ZMYM6: variants seen among roughly 807,000 people sequenced by gnomAD.
ZMYM6 encodes zinc finger MYM-type protein 6.
Under a neutral mutation model 134.0 loss-of-function variants are expected in ZMYM6, and 90 were observed. The observed-to-expected ratio is 0.67, with a 90% CI of 0.57 to 0.80. ZMYM6 has a LOEUF of 0.80. ZMYM6 is among the 30% of genes least tolerant of loss of function. The pLI is 0.00. For missense variants in ZMYM6, 1,362 were observed against 1,533.9 expected (o/e 0.89, Z 1.87); for synonymous variants, 481 against 524.1 (o/e 0.92, Z 1.12).
At chr1:34,994,709 T>C (rs1414713898) in intron 14 of ZMYM6, among the ~76,000 whole-genome samples, 1 of 152,076 alleles carries the variant, frequency 6.6e-6, no homozygotes, top group African/African-American at 2.4e-5. Context: ...ATTGCGTTGG[T>C]ACAAAAATAA....
At chr1:35,024,806 C>T (rs911069689) in intron 2 of ZMYM6, among the ~76,000 whole-genome samples, 3 of 152,100 alleles carry the variant, frequency 2.0e-5, no homozygotes. Context: ...AGATTTAGGG[C>T]TCCTTCCCCT....
Position 35,023,253 on chromosome 1 carries a change from A to G in ZMYM6, c.94-2786T>C, listed in dbSNP as rs576896763. On this transcript the variant is annotated intron_variant, in intron 2 of 15. Coordinates refer to ENST00000357182, the MANE Select transcript of ZMYM6 (RefSeq NM_007167.4). ...CTCCCCAGTAGCTGGGATTACAGGC[A>G]TGCGCCACCACGCCTGGCTAATTTT... Among the ~76,000 whole-genome samples the G allele has an allele frequency of 3.9e-5, 6 of 152,110 alleles. No individual in the cohort carries two copies. The South Asian group carries it at 8.3e-4, about 21-fold the overall frequency.
intron 4 of ZMYM6, among the ~76,000 whole-genome samples, chr1:35,015,743 A>AAAAAAAAAAAATATAT: frequency 1.9e-5 from 2 of 106,460 alleles, no homozygotes; most frequent in African/African-American, 6.6e-5. Context: ...AAAAAAAAAA[A>AAAAAAAAAAAATATAT]ATATATATAT....
chr1:34,998,391 A>G lies in ZMYM6; in HGVS notation c.1992+5577T>C, dbSNP rs1569752244. Reference sequence around the variant, plus strand: ...GCTTTATATCTGTAGTTTTCCTATAATTTCAATATGTGGAAACTTGCTCTT... The same window carrying G: ...GCTTTATATCTGTAGTTTTCCTATAGTTTCAATATGTGGAAACTTGCTCTT... On this transcript the variant is annotated intron_variant, in intron 14 of 15. Coordinates refer to ENST00000357182, the MANE Select transcript of ZMYM6 (RefSeq NM_007167.4). 3.3e-5 allele frequency among the ~76,000 whole-genome samples: 5 copies of G among 152,292 alleles called. No homozygotes were observed. The South Asian group carries it at 8.3e-4, about 25-fold the overall frequency.
intron 13 of ZMYM6, among the ~76,000 whole-genome samples, chr1:35,004,274 C>CT (rs2148449393): frequency 6.6e-6 from 1 of 152,270 alleles, no homozygotes; most frequent in Admixed American, 6.5e-5. Context: ...AAAAATATCA[C>CT]TTCCCAGGGA....
chr1:35,018,693 A>G (rs1641249705), intron 4 of ZMYM6: 1 of 152,332 alleles, frequency 6.6e-6, no homozygotes. Flanking sequence ...GAAGTCACAG[A>G]GATAAATGAC....
intron 6 of ZMYM6, 32 bp from the exon 7 acceptor site, chr1:35,012,613 TACAA>T: frequency 1.9e-6 from 3 of 1,606,438 alleles, no homozygotes; most frequent in Non-Finnish European, 2.5e-6. Flanking sequence ...AGATACCTAG[TACAA>T]ACATACATAT....
Position 34,987,058 on chromosome 1 carries a change from C to T in ZMYM6, c.*46G>A, listed in dbSNP as rs1156858233. ...TATCTTTTAGGATACTTATACAAAA[C>T]TTAACACAGGATTATTGACTTCACT... On this transcript the variant is annotated 3_prime_UTR_variant, in exon 16 of 16. Coordinates refer to ENST00000357182, the MANE Select transcript of ZMYM6 (RefSeq NM_007167.4). 3 of 1,323,888 alleles carry T rather than the reference C, an allele frequency of 2.3e-6. No individual in the cohort carries two copies. In the African/African-American group the frequency reaches 4.5e-5, roughly 20 times the overall value. The allele number at this position is 1,323,888 out of a possible 1,614,324, so 82.0% of individuals were successfully genotyped here. A position where few individuals can be genotyped will look rare whatever the true frequency, so the allele number is the denominator to read the frequency against.
chr1:35,028,395 T>G (rs1193641400), intron 2 of ZMYM6, among the ~76,000 whole-genome samples: 1 of 152,158 alleles, frequency 6.6e-6, no homozygotes, highest in East Asian at 1.9e-4. Context: ...AAAATATAAT[T>G]GCTTTGCTGA....
At chr1:35,008,719 A>G (rs1641031494) in intron 11 of ZMYM6, 33 bp downstream of exon 11, 5 of 1,587,354 alleles carry the variant, frequency 3.1e-6, no homozygotes. Flanking sequence ...CACTGATTTC[A>G]GAAAGCCAAA....
intron 2 of ZMYM6, chr1:35,030,330 GCT>G: frequency 1.9e-6 from 1 of 522,854 alleles, no homozygotes; most frequent in Non-Finnish European, 3.3e-6. Context: ...TACACAGGAG[GCT>G]GAGGTGGGAA....
At position 34,988,417 on chromosome 1, in the gene ZMYM6, C is replaced by T; in HGVS notation, c.2665G>A (p.Glu889Lys). 6.4e-7 allele frequency: 1 copy of T among 1,551,608 alleles called. No individual in the cohort carries two copies. The highest frequency in any genetic ancestry group is 8.7e-7 in the Non-Finnish European group (1 of 1,146,966). Reference sequence around the variant, plus strand: ...TGGTCTTCAATGTCTGCAGATAGTTCATCAATCCTGTGTTGAATTGTAACA... The same window carrying T: ...TGGTCTTCAATGTCTGCAGATAGTTTATCAATCCTGTGTTGAATTGTAACA... ...SNVTIQHRIDELSADIEDQLI... is the reference protein window; with the variant it reads ...SNVTIQHRIDKLSADIEDQLI... The change falls in exon 16 of 16, where the codon GAA (glutamate) becomes AAA (lysine). Residue 889 changes from glutamate (E) to lysine (K), a missense_variant. Around this residue, in one of 3 missense-constraint regions of ZMYM6, gnomAD observed 824 missense variants for 940.9 expected, o/e 0.88. Coordinates refer to ENST00000357182, the MANE Select transcript of ZMYM6 (RefSeq NM_007167.4).
chr1:35,011,106 C>T (rs1233999316), intron 8 of ZMYM6, 70 bp from the exon 9 acceptor site: 1 of 1,471,084 alleles, frequency 6.8e-7, no homozygotes, highest in African/African-American at 1.4e-5. Flanking sequence ...TTTTCATTTC[C>T]TCATTTTAAT....
intron 14 of ZMYM6, among the ~76,000 whole-genome samples, chr1:34,999,692 AATAAG>A (rs1373903342): frequency 6.6e-5 from 10 of 152,336 alleles, no homozygotes; most frequent in African/African-American, 1.9e-4. Flanking sequence ...TAACACATAA[AATAAG>A]ATAACAATAA....
chr1:35,023,478 A>G (rs1641349352), intron 2 of ZMYM6, among the ~76,000 whole-genome samples: 1 of 152,178 alleles, frequency 6.6e-6, no homozygotes, highest in Non-Finnish European at 1.5e-5. Context: ...AAATGAAGGA[A>G]TCTAAGTCTA....
chr1:35,012,954 C>T (rs959892209), intron 6 of ZMYM6: 1 of 984,554 alleles, frequency 1.0e-6, no homozygotes, highest in East Asian at 1.1e-4. Context: ...GAGTCTACCA[C>T]CTTTAAGGTT....
chr1:35,019,848 T>A (rs566904065), intron 3 of ZMYM6, among the ~76,000 whole-genome samples: 1 of 152,100 alleles, frequency 6.6e-6, no homozygotes, highest in African/African-American at 2.4e-5. Flanking sequence ...AATTTTTTTT[T>A]AATTTTTAGC....
chr1:34,992,956 C>A (rs1180563808), intron 14 of ZMYM6, among the ~76,000 whole-genome samples: 1 of 148,648 alleles, frequency 6.7e-6, no homozygotes, highest in Non-Finnish European at 1.5e-5. Flanking sequence ...GTTAATCTTG[C>A]TGATTAGGAC....
rs1182980486 is a variant in ZMYM6, at chr1:35,011,978, T to C, written c.974A>G (p.Lys325Arg). 1 of 1,607,834 alleles carries C rather than the reference T, an allele frequency of 6.2e-7. No homozygotes were observed. Among genetic ancestry groups the C allele is most frequent in the Non-Finnish European group, 8.5e-7 (1 of 1,176,390 alleles). ...SGVQVSCHSCKTSAIPQYHLA... is the reference protein window; with the variant it reads ...SGVQVSCHSCRTSAIPQYHLA... ...GTGATACTGAGGGATTGCTGAGGTT[T>C]TACAACTATGACATGAAACCTGGAC... The change falls in exon 8 of 16, where the codon AAA becomes AGA. Residue 325 changes from lysine to arginine, a missense_variant. Coordinates refer to ENST00000357182, the MANE Select transcript of ZMYM6 (RefSeq NM_007167.4).
Sources: gnomAD v4.1 joint callset for allele counts (sites outside exome capture counted in the v4.1 genomes callset) on GRCh38, gnomAD v4.1.1 for gene constraint, gnomAD v4.1.1 regional missense constraint, MANE v1.5 for transcripts, NCBI Gene and HGNC (gene_info 2026-07-23, HGNC 2026-07-21) for gene names.